DYNC2LI1: variants seen among roughly 807,000 people sequenced by gnomAD.
DYNC2LI1 encodes dynein cytoplasmic 2 light intermediate chain 1, also known as cytoplasmic dynein 2 light intermediate chain 1.
Under a neutral mutation model 51.9 loss-of-function variants are expected in DYNC2LI1, and 45 were observed. The ratio of observed to expected loss-of-function variants is 0.87; its 90% confidence interval spans 0.68 to 1.11. DYNC2LI1 has a LOEUF of 1.11. Ranked by LOEUF, DYNC2LI1 falls within the 50% of genes most tolerant of loss-of-function variation. DYNC2LI1 has a pLI of 0.00. For synonymous variants in DYNC2LI1, 130 were observed against 137.8 expected, an observed-to-expected ratio of 0.94 and a Z score of 0.40; for missense variants, 490 against 417.4, an observed-to-expected ratio of 1.17 and a Z score of -1.51.
chr2:43,788,711 C>T (rs942791561), intron 4 of DYNC2LI1, among the ~76,000 whole-genome samples: 1 of 152,162 alleles, frequency 6.6e-6, no homozygotes, highest in Admixed American at 6.5e-5. Flanking sequence ...CCTCAAACTC[C>T]TGGGCTCAAA....
chr2:43,822,486 CCATGCA>C, the DYNC2LI1 span: 1 of 932,962 alleles, frequency 1.1e-6, no homozygotes, highest in South Asian at 5.0e-5. Context: ...AGGCCCCCCC[CCATGCA>C]CCTGGGTCCT....
At chr2:43,787,372 C>G in intron 4 of DYNC2LI1, 122 bp downstream of exon 4, 1 of 761,578 alleles carries the variant, frequency 1.3e-6, no homozygotes, top group Non-Finnish European at 2.1e-6. Flanking sequence ...CACTTCGTAG[C>G]TGTCTACCAT....
chr2:43,786,297 C>G (rs1451883319), intron 3 of DYNC2LI1, among the ~76,000 whole-genome samples: 2 of 152,100 alleles, frequency 1.3e-5, no homozygotes, highest in African/African-American at 2.4e-5. Context: ...TTCCCAGGCT[C>G]AAGTGATTCT....
downstream of DYNC2LI1, among the ~76,000 whole-genome samples, chr2:43,813,708 C>CTTTTT (rs1558715512): frequency 8.5e-5 from 3 of 35,374 alleles, no homozygotes; most frequent in Non-Finnish European, 1.1e-4. Flanking sequence ...TTTTTTTTTT[C>CTTTTT]GTTTTTTTTT....
chr2:43,828,020 G>A, the DYNC2LI1 span: 1 of 1,614,126 alleles, frequency 6.2e-7, no homozygotes, highest in Non-Finnish European at 8.5e-7. Flanking sequence ...TGGAGACCCG[G>A]CGCCGCTCAC....
In DYNC2LI1 at chr2:43,789,690, A is replaced by T; in HGVS notation, c.289A>T (p.Ile97Phe). ...TGGAGGAACCTCTTTATTGGACTTA[A>T]TCAGCATACCCATCACAGGTGACAC... is the stretch of plus-strand genomic sequence containing the variant. Reference protein sequence around the residue: ...LGGGTSLLDLISIPITGDTLR... With the variant: ...LGGGTSLLDLFSIPITGDTLR... Residue 97 changes from isoleucine (I) to phenylalanine (F), a missense_variant, in exon 5 of 13, where the codon ATC becomes TTC. Coordinates refer to ENST00000260605, the MANE Select transcript of DYNC2LI1 (RefSeq NM_016008.4). 1 of 1,613,950 alleles carries T rather than the reference A, an allele frequency of 6.2e-7. No homozygotes were observed. The highest frequency in any genetic ancestry group is 8.5e-7 in the Non-Finnish European group (1 of 1,179,904).
At chr2:43,815,440 T>G in the DYNC2LI1 span, among the ~76,000 whole-genome samples, 1 of 152,224 alleles carries the variant, frequency 6.6e-6, no homozygotes, top group Admixed American at 6.5e-5. Flanking sequence ...GAACTATTTG[T>G]GCCAAGAAAG....
At chr2:43,801,833 C>CTGTG in intron 10 of DYNC2LI1, 124 bp downstream of exon 10, 2 of 672,366 alleles carry the variant, frequency 3.0e-6, no homozygotes, top group East Asian at 5.8e-5. Flanking sequence ...CTGTTATTTC[C>CTGTG]TGTGTGTTTG....
At chr2:43,785,726 A>G (rs1257570855) in intron 3 of DYNC2LI1, among the ~76,000 whole-genome samples, 2 of 151,766 alleles carry the variant, frequency 1.3e-5, no homozygotes, top group East Asian at 3.9e-4. Flanking sequence ...AAAATAAAAT[A>G]AAATATATAT....
At chr2:43,795,295 A>G (rs1041966227) in intron 6 of DYNC2LI1, 15 of 557,438 alleles carry the variant, frequency 2.7e-5, no homozygotes, top group African/African-American at 2.7e-4. Flanking sequence ...CACGACGTCA[A>G]GAGATCAAGA....
At chr2:43,781,661 G>A (rs1187469991) in intron 2 of DYNC2LI1, 1 of 149,116 alleles carries the variant, frequency 6.7e-6, no homozygotes, top group African/African-American at 2.5e-5. Context: ...CGAGTGCAGT[G>A]GTGTGATCTC....
At position 43,795,887 on chromosome 2, in the gene DYNC2LI1, C is replaced by G. The variant is rs895221006; in HGVS notation, c.508-3C>G. On this transcript the variant is annotated splice_polypyrimidine_tract_variant and splice_region_variant and intron_variant, in intron 6 of 12. Transcript: ENST00000260605. ...CAACTCAAGGAAATATGTTTATTAG[C>G]AGGATCATGAATTAATTGACCCATT... 6.2e-7 allele frequency: 1 copy of G among 1,608,694 alleles called. No homozygotes were observed. Among genetic ancestry groups the G allele is most frequent in the Non-Finnish European group, 8.5e-7 (1 of 1,175,524 alleles).
intron 10 of DYNC2LI1, among the ~76,000 whole-genome samples, chr2:43,803,612 T>C (rs751427869): frequency 4.6e-5 from 7 of 152,124 alleles, no homozygotes; most frequent in African/African-American, 1.2e-4. Flanking sequence ...TGGAATTAAG[T>C]TGGTGTCTCG....
rs1666421337 is a variant in DYNC2LI1 at position 43,809,930 on chromosome 2, A to C, written c.*163A>C. On this transcript the variant is annotated 3_prime_UTR_variant, in exon 13 of 13. Transcript: ENST00000260605. ...TAGTGCATCTCCCTGTATATCTTGA[A>C]GCTTTTTAAAAGGAAAAATTATTGT... 2 of 1,357,578 alleles carry C rather than the reference A, an allele frequency of 1.5e-6. No homozygotes were observed. The highest frequency in any genetic ancestry group is 3.0e-5 in the African/African-American group (2 of 67,120). The allele number at this position is 1,357,578 out of a possible 1,614,324, so 84.1% of individuals were successfully genotyped here. A position where few individuals can be genotyped will look rare whatever the true frequency, so the allele number is the denominator to read the frequency against.
intron 1 of DYNC2LI1, chr2:43,775,889 G>T (rs1411326718): frequency 7.8e-6 from 1 of 127,576 alleles, no homozygotes; most frequent in Non-Finnish European, 1.3e-5. Context: ...TTTTTTAGTA[G>T]AGATGGGGTT....
At chr2:43,826,357 G>A in the DYNC2LI1 span, 16 of 1,613,328 alleles carry the variant, frequency 9.9e-6, no homozygotes, top group Middle Eastern at 1.7e-4. Context: ...CCATAGACCC[G>A]GCCTTTACGA....
Position 43,774,072 on chromosome 2 carries a change from C to A in DYNC2LI1, c.-67C>A. ...TCACTCCCAGACTCCTTGCGGAGCT[C>A]GCCGCCTGATTCTAGGCTGGTCACT... On this transcript the variant is annotated 5_prime_UTR_variant, in exon 1 of 13. Transcript: ENST00000260605. The A allele has an allele frequency of 6.2e-7, 1 of 1,604,838 alleles. No individual in the cohort carries two copies. Among genetic ancestry groups the A allele is most frequent in the Non-Finnish European group, 8.5e-7 (1 of 1,175,560 alleles).
the DYNC2LI1 span, chr2:43,825,164 T>C: frequency 6.2e-6 from 6 of 968,278 alleles, no homozygotes; most frequent in Non-Finnish European, 9.4e-6. Context: ...CCATAAGCAG[T>C]CAGTCCTTCG....
downstream of DYNC2LI1, among the ~76,000 whole-genome samples, chr2:43,810,757 A>C (rs946107164): frequency 6.6e-6 from 1 of 152,210 alleles, no homozygotes. Flanking sequence ...TTTCCAAGGA[A>C]CCTCAGTCTT....
Sources: gnomAD v4.1 joint callset for allele counts (sites outside exome capture counted in the v4.1 genomes callset) on GRCh38, gnomAD v4.1.1 for gene constraint, MANE v1.5 for transcripts, NCBI Gene and HGNC (gene_info 2026-07-23, HGNC 2026-07-21) for gene names.